Variants in ADAM12 observed in about 807,000 individuals in gnomAD.
ADAM12 encodes disintegrin and metalloproteinase domain-containing protein 12.
A neutral mutation model predicts 106.4 loss-of-function variants in ADAM12; 70 were observed. The observed-to-expected ratio is 0.66, with a 90% CI of 0.54 to 0.80. The LOEUF (loss-of-function observed/expected upper bound fraction) is 0.80. Among genes scored for constraint, ADAM12 ranks in the 30% least tolerant of loss-of-function variants. The pLI is 0.00. For synonymous variants in ADAM12, 420 were observed against 433.5 expected (o/e 0.97, Z 0.39); for missense variants, 1,010 against 1,171.9 (o/e 0.86, Z 2.02).
chr10:126,032,949 A>G (rs1300549684), intron 21 of ADAM12, among the ~76,000 whole-genome samples: 1 of 152,244 alleles, frequency 6.6e-6, no homozygotes, highest in African/African-American at 2.4e-5. Context: ...GAAAAATTCA[A>G]TATTCAAAAC....
At chr10:126,128,820 G>A (rs117755701) in intron 5 of ADAM12, among the ~76,000 whole-genome samples, 1,536 of 149,816 alleles carry the variant, frequency 0.01, 14 homozygotes, top group Non-Finnish European at 0.017. Flanking sequence ...GGACGCCTGC[G>A]CATGTGAGTG....
chr10:126,239,966 G>A (rs762941284), intron 3 of ADAM12, among the ~76,000 whole-genome samples: 2 of 152,132 alleles, frequency 1.3e-5, no homozygotes, highest in Non-Finnish European at 2.9e-5. Flanking sequence ...GTCCACTGCC[G>A]TGCCCCCTGC....
intron 11 of ADAM12, among the ~76,000 whole-genome samples, chr10:126,080,379 G>T (rs1480454826): frequency 6.6e-6 from 1 of 152,120 alleles, no homozygotes; most frequent in Non-Finnish European, 1.5e-5. Flanking sequence ...TCCCACATGT[G>T]CCAGGACAGC....
Position 126,064,947 on chromosome 10 carries a change from C to G in ADAM12, c.1468G>C (p.Glu490Gln). The change falls in exon 14 of 23, where the codon GAG becomes CAG. Residue 490 changes from glutamate (E) to glutamine (Q), a missense_variant. Glu to Gln is a conservative substitution (Grantham distance 29). Coordinates refer to ENST00000448723, the MANE Select transcript of ADAM12 (RefSeq NM_001288973.2). The surrounding 1 kb of genome is among the most constrained non-coding windows in gnomAD (Gnocchi z 4.4). ...RDSSNSCDLP[E>Q]FCTGASPHCP... ...TGAGGGCTGGCCCCTGTGCAGAACT[C>G]TGGGAGGTCACAGGAGTTGCTGGAG... The G allele has an allele frequency of 6.2e-7, 1 of 1,613,212 alleles. No individual in the cohort carries two copies. Among genetic ancestry groups the G allele is most frequent in the Non-Finnish European group, 8.5e-7 (1 of 1,179,756 alleles).
At chr10:126,312,405 G>A (rs934711506) in intron 2 of ADAM12, among the ~76,000 whole-genome samples, 3 of 152,178 alleles carry the variant, frequency 2.0e-5, no homozygotes, top group East Asian at 1.9e-4. Context: ...GAACCTGGCC[G>A]TGCCTCTGGA....
At chr10:126,274,683 C>T (rs1959206386) in intron 3 of ADAM12, among the ~76,000 whole-genome samples, 1 of 152,136 alleles carries the variant, frequency 6.6e-6, no homozygotes, top group South Asian at 2.1e-4. Context: ...AACTGTGGGC[C>T]AGGACAAGGC....
chr10:126,369,028 G>C (rs1403338253), intron 1 of ADAM12, among the ~76,000 whole-genome samples: 1 of 152,112 alleles, frequency 6.6e-6, no homozygotes, highest in African/African-American at 2.4e-5. Flanking sequence ...CAGCATCATA[G>C]TATTTCCAAA....
chr10:126,092,760 C>G (rs1171487004), intron 11 of ADAM12, among the ~76,000 whole-genome samples: 2 of 152,180 alleles, frequency 1.3e-5, no homozygotes, highest in Non-Finnish European at 2.9e-5. Flanking sequence ...GGGCGATGAA[C>G]ATGAGGAATC....
chr10:126,377,355 G>A (rs182124666), intron 1 of ADAM12, among the ~76,000 whole-genome samples: 67 of 152,320 alleles, frequency 4.4e-4, no homozygotes, highest in African/African-American at 1.3e-3. Flanking sequence ...AAGGAAGCCC[G>A]TCTGAGTCCC....
At chr10:126,363,889 T>C (rs149218237) in intron 1 of ADAM12, among the ~76,000 whole-genome samples, 1 of 152,126 alleles carries the variant, frequency 6.6e-6, no homozygotes, top group Non-Finnish European at 1.5e-5. Context: ...CTAATATAGA[T>C]GCAAACAATC....
chr10:126,253,581 C>A (rs1202404810), intron 3 of ADAM12, among the ~76,000 whole-genome samples: 1 of 152,202 alleles, frequency 6.6e-6, no homozygotes, highest in Non-Finnish European at 1.5e-5. Context: ...AAGACATCTG[C>A]TTCTCGTGTG....
At chr10:126,327,138 A>C (rs1314473488) in intron 2 of ADAM12, among the ~76,000 whole-genome samples, 1 of 152,122 alleles carries the variant, frequency 6.6e-6, no homozygotes, top group Non-Finnish European at 1.5e-5. Context: ...AGAGCCCCGG[A>C]GCCATGGCGT....
In ADAM12 at chr10:126,346,494, T is replaced by C. The variant is rs1396261086; in HGVS notation, c.89-15985A>G. ...GATGTGGTGCCAAGAAGAATGTATA[T>C]TCTGTTGGTTTGGGGTGGAGAGTTC... On this transcript the variant is annotated intron_variant, in intron 1 of 22. Transcript: ENST00000448723. Among the ~76,000 whole-genome samples the C allele has an allele frequency of 2.0e-5, 3 of 152,338 alleles. No individual in the cohort carries two copies. The East Asian group carries it at 5.8e-4, about 29-fold the overall frequency.
intron 2 of ADAM12, among the ~76,000 whole-genome samples, chr10:126,327,029 G>T (rs939113910): frequency 6.6e-6 from 1 of 152,206 alleles, no homozygotes; most frequent in African/African-American, 2.4e-5. Context: ...AGCACAGCGG[G>T]GCAGGTGACC....
chr10:126,344,927 A>C (rs1855077475), intron 1 of ADAM12, among the ~76,000 whole-genome samples: 1 of 152,220 alleles, frequency 6.6e-6, no homozygotes, highest in African/African-American at 2.4e-5. Context: ...TTTGGGGCTG[A>C]GACGATGGGG....
intron 20 of ADAM12, among the ~76,000 whole-genome samples, chr10:126,037,346 T>A (rs1279847391): frequency 2.0e-5 from 3 of 151,990 alleles, no homozygotes; most frequent in African/African-American, 7.3e-5. Flanking sequence ...GATGTGCTTT[T>A]GGCTACCACA....
chr10:126,081,985 A>C (rs1356902756), intron 11 of ADAM12, among the ~76,000 whole-genome samples: 1 of 152,224 alleles, frequency 6.6e-6, no homozygotes, highest in Non-Finnish European at 1.5e-5. Flanking sequence ...CGAAGGGATG[A>C]GCAAACAGTT....
At chr10:126,241,013 C>T (rs1010285576) in intron 3 of ADAM12, among the ~76,000 whole-genome samples, 2 of 152,208 alleles carry the variant, frequency 1.3e-5, no homozygotes, top group Non-Finnish European at 2.9e-5. Context: ...TCCATAATGT[C>T]TTAATGGAAT....
chr10:126,070,518 T>G (rs1190530299), intron 12 of ADAM12: 1 of 152,238 alleles, frequency 6.6e-6, no homozygotes, highest in Non-Finnish European at 1.5e-5. Context: ...AACACAGGAA[T>G]ATACCGGATG....
Sources: gnomAD v4.1 joint callset for allele counts (sites outside exome capture counted in the v4.1 genomes callset) on GRCh38, gnomAD v4.1.1 for gene constraint, Gnocchi (gnomAD v3.1) non-coding constraint, MANE v1.5 for transcripts, NCBI Gene and HGNC (gene_info 2026-07-23, HGNC 2026-07-21) for gene names.